CHL1: variants seen among roughly 807,000 people sequenced by gnomAD.
CHL1 encodes the protein neural cell adhesion molecule L1-like protein.
In CHL1, 96 loss-of-function variants were observed where a neutral mutation model predicts 141.9. The ratio of observed to expected loss-of-function variants is 0.68; its 90% CI spans 0.57 to 0.80. The LOEUF is 0.80. Among genes scored for constraint, CHL1 ranks in the 30% least tolerant of loss-of-function variants. The pLI, the probability that CHL1 is intolerant of heterozygous loss-of-function variation, is 0.00. For synonymous variants in CHL1, 613 were observed against 502.2 expected (o/e 1.22, Z -2.95); for missense variants, 1,820 against 1,457.2 (o/e 1.25, Z -4.05).
At chr3:319,160 T>C (rs142668354) in intron 2 of CHL1, among the ~76,000 whole-genome samples, 86 of 151,008 alleles carry the variant, frequency 5.7e-4, no homozygotes, top group African/African-American at 1.9e-3. Context: ...GACATAAAGA[T>C]AAGAATAATA....
chr3:352,065 G>C (rs1703313686), intron 10 of CHL1, among the ~76,000 whole-genome samples: 1 of 152,048 alleles, frequency 6.6e-6, no homozygotes, highest in Non-Finnish European at 1.5e-5. Context: ...TTGAATTTTA[G>C]TAAGTGAAAT....
chr3:219,408 G>A (rs1559287893), intron 1 of CHL1, among the ~76,000 whole-genome samples: 1 of 152,078 alleles, frequency 6.6e-6, no homozygotes, highest in Non-Finnish European at 1.5e-5. Context: ...ATTCACAATA[G>A]CAAAGACATA....
intron 2 of CHL1, among the ~76,000 whole-genome samples, chr3:278,150 C>G (rs1696321007): frequency 6.6e-6 from 1 of 152,160 alleles, no homozygotes; most frequent in Non-Finnish European, 1.5e-5. Context: ...TTCATCCGCT[C>G]TATAGAAATC....
At chr3:312,233 A>G (rs766595800) in intron 2 of CHL1, among the ~76,000 whole-genome samples, 10 of 152,200 alleles carry the variant, frequency 6.6e-5, no homozygotes, top group Non-Finnish European at 1.3e-4. Flanking sequence ...TTATAATAAC[A>G]TCGACATTCC....
At chr3:229,569 T>C (rs1400085726) in intron 1 of CHL1, among the ~76,000 whole-genome samples, 1 of 152,172 alleles carries the variant, frequency 6.6e-6, no homozygotes. Context: ...GCTTAGTATT[T>C]TCCAGAAATA....
In CHL1 at chr3:407,509, C is replaced by T. The variant is rs779397142; in HGVS notation, c.*1798C>T. 1.3e-5 allele frequency: 2 copies of T among 152,084 alleles called. No individual in the cohort carries two copies. The highest frequency in any genetic ancestry group is 2.9e-5 in the Non-Finnish European group (2 of 68,018). 9.4% of individuals were successfully genotyped at this position (152,084 alleles called of 1,614,324 possible). A position where few individuals can be genotyped will look rare whatever the true frequency, so the allele number is the denominator to read the frequency against. Reference sequence around the variant, plus strand: ...GGGGGAAGGCAGTGTGGTCCCTACCCTGTGTGAATGTGAGGATGTAGACAT... The same window carrying T: ...GGGGGAAGGCAGTGTGGTCCCTACCTTGTGTGAATGTGAGGATGTAGACAT... On this transcript the variant is annotated 3_prime_UTR_variant, in exon 28 of 28. Transcript: ENST00000256509.
rs553419333 is a variant in CHL1 at position 307,401 on chromosome 3, G to C, written c.-94-12282G>C. The stretch of plus-strand genomic sequence containing the variant: ...GGAGTCCCAGCTGTTAAACCTTTGA[G>C]GCATTGTGACAGAAATCTGCAAGAA... On this transcript the variant is annotated intron_variant, in intron 2 of 27. Coordinates refer to ENST00000256509, the MANE Select transcript of CHL1 (RefSeq NM_006614.4). 3.3e-5 allele frequency among the ~76,000 whole-genome samples: 5 copies of C among 152,284 alleles called. No individual in the cohort carries two copies. In the East Asian group the frequency reaches 9.6e-4, roughly 29 times the overall value.
intron 27 of CHL1, among the ~76,000 whole-genome samples, chr3:401,960 G>C (rs1474133696): frequency 6.6e-6 from 1 of 152,164 alleles, no homozygotes; most frequent in Non-Finnish European, 1.5e-5. Context: ...CTAACACAAA[G>C]AATATCTATT....
chr3:368,429 A>G (rs1186590261), intron 15 of CHL1, among the ~76,000 whole-genome samples: 1 of 152,006 alleles, frequency 6.6e-6, no homozygotes, highest in Non-Finnish European at 1.5e-5. Flanking sequence ...TCCTTTGCCC[A>G]TGTTTGATGG....
rs147712758 is a variant in CHL1, at chr3:335,011, T to C, written c.386-5783T>C. On this transcript the variant is annotated intron_variant, in intron 5 of 27. Coordinates refer to ENST00000256509, the MANE Select transcript of CHL1 (RefSeq NM_006614.4). ...TAGTCTACGAAATGTCTGACAAAGA[T>C]GAAATTTTCTATATAATAATTTAAT... Among the ~76,000 whole-genome samples, 140 of 152,374 alleles carry C rather than the reference T, an allele frequency of 9.2e-4. 1 individual carries two copies. In the East Asian group the frequency reaches 0.023, roughly 25 times the overall value.
chr3:197,505 C>A (rs1025293052), intron 1 of CHL1: 2 of 227,486 alleles, frequency 8.8e-6, no homozygotes, highest in African/African-American at 4.5e-5. Flanking sequence ...GGGTCAGTCC[C>A]GGCCTCTGTC....
At chr3:307,616 T>C (rs1699359836) in intron 2 of CHL1, among the ~76,000 whole-genome samples, 2 of 152,174 alleles carry the variant, frequency 1.3e-5, no homozygotes, top group South Asian at 4.1e-4. Context: ...GATGCTTGTG[T>C]CTGAGCAAAC....
rs184949807 is a variant in CHL1 at position 380,065 on chromosome 3, G to A, written c.1877-2114G>A. Among the ~76,000 whole-genome samples, 52 of 152,282 alleles carry A rather than the reference G, an allele frequency of 3.4e-4. 1 individual carries two copies. The highest frequency in any genetic ancestry group is 1.2e-3 in the African/African-American group (51 of 41,546). On this transcript the variant is annotated intron_variant, in intron 16 of 27. Transcript: ENST00000256509. ...CAGTTCTAGCTCCATACGATTCTCA[G>A]AAGAGCCAGATTTTAATATCAGATG... is the stretch of plus-strand genomic sequence containing the variant.
At chr3:337,446 C>T (rs1701979598) in intron 5 of CHL1, among the ~76,000 whole-genome samples, 1 of 151,898 alleles carries the variant, frequency 6.6e-6, no homozygotes. Context: ...ATACGTGTGC[C>T]ATGCTGGTGT....
intron 19 of CHL1, among the ~76,000 whole-genome samples, chr3:387,784 T>A (rs73105055): frequency 6.6e-6 from 1 of 152,208 alleles, no homozygotes; most frequent in East Asian, 1.9e-4. Context: ...AACTTTCCAA[T>A]GAATCCAAGT....
chr3:383,870 T>C lies in CHL1; in HGVS notation c.2231T>C (p.Met744Thr). The change falls in exon 19 of 28, where the codon ATG (methionine) becomes ACG (threonine). Residue 744 changes from methionine (M) to threonine (T), a missense_variant. Coordinates refer to ENST00000256509, the MANE Select transcript of CHL1 (RefSeq NM_006614.4). ...IRVQASQPKE[M>T]IIKWEPLKSM... is the part of the protein sequence containing the mutation. ...GTTCAAGCCTCTCAACCCAAGGAAA[T>C]GATTATAAAGTGGGAGGTGTGTATT... is the stretch of plus-strand genomic sequence containing the variant. 8.1e-6 allele frequency: 13 copies of C among 1,609,052 alleles called. No individual in the cohort carries two copies. Among genetic ancestry groups the C allele is most frequent in the Non-Finnish European group, 1.1e-5 (13 of 1,176,676 alleles).
intron 2 of CHL1, among the ~76,000 whole-genome samples, chr3:294,943 T>C (rs1431279943): frequency 6.6e-6 from 1 of 152,258 alleles, no homozygotes; most frequent in African/African-American, 2.4e-5. Context: ...AATGCTGTTC[T>C]AAGATAGCTT....
chr3:315,762 G>A (rs1004380951), intron 2 of CHL1, among the ~76,000 whole-genome samples: 1 of 152,070 alleles, frequency 6.6e-6, no homozygotes, highest in African/African-American at 2.4e-5. Context: ...GCATTGAAGC[G>A]ACTGCATTGT....
At chr3:219,005 T>C (rs922644018) in intron 1 of CHL1, among the ~76,000 whole-genome samples, 10 of 151,874 alleles carry the variant, frequency 6.6e-5, no homozygotes, top group Admixed American at 3.3e-4. Flanking sequence ...AAAAATTAGC[T>C]GGGCATGGTG....
Sources: allele counts gnomAD v4.1 joint callset (sites outside exome capture counted in the v4.1 genomes callset), GRCh38; gene constraint gnomAD v4.1.1; transcripts MANE v1.5; gene names NCBI Gene and HGNC (gene_info 2026-07-23, HGNC 2026-07-21).